The following AFF2 variants were observed in gnomAD, a reference collection of about 807,000 sequenced individuals.
AFF2 encodes ALF transcription elongation factor 2, also known as AF4/FMR2 family member 2.
A neutral mutation model predicts 76.9 loss-of-function variants in AFF2; 14 were observed. The observed-to-expected ratio is 0.18, with a 90% CI of 0.12 to 0.28. The LOEUF (loss-of-function observed/expected upper bound fraction) is 0.28. Among genes scored for constraint, AFF2 ranks in the 10% least tolerant of loss-of-function variants. The pLI, the probability that AFF2 is intolerant of heterozygous loss-of-function variation, is 1.00. For synonymous variants in AFF2, 398 were observed against 366.7 expected, an observed-to-expected ratio of 1.09 and a Z score of -0.98; for missense variants, 868 against 1,001.1, an observed-to-expected ratio of 0.87 and a Z score of 1.79.
chrX:148,566,717 A>G (rs1353648333), intron 1 of AFF2, among the ~76,000 whole-genome samples: 4 of 111,219 alleles, frequency 3.6e-5, no homozygotes, highest in African/African-American at 1.3e-4. Flanking sequence ...ATGTTGAGAA[A>G]ACTGTTCATC....
intron 13 of AFF2, among the ~76,000 whole-genome samples, chrX:148,964,706 G>T (rs1346054874): frequency 2.7e-5 from 3 of 111,611 alleles, no homozygotes; most frequent in African/African-American, 9.8e-5. Context: ...AAAGAGTTCT[G>T]GGGATTCACA....
chrX:148,784,229 G>T (rs2069783690), intron 3 of AFF2, among the ~76,000 whole-genome samples: 2 of 112,181 alleles, frequency 1.8e-5, no homozygotes, highest in Admixed American at 1.9e-4. Flanking sequence ...AAGCAGACAG[G>T]CTGTGAGTAC....
At chrX:148,917,849 T>C (rs1201017103) in intron 9 of AFF2, among the ~76,000 whole-genome samples, 2 of 112,142 alleles carry the variant, frequency 1.8e-5, no homozygotes, top group Admixed American at 1.9e-4. Flanking sequence ...GGGGTAAAAA[T>C]ATCCCTCTCT....
intron 2 of AFF2, among the ~76,000 whole-genome samples, chrX:148,660,306 T>C (rs1557257569): frequency 1.8e-5 from 2 of 111,539 alleles, no homozygotes; most frequent in Non-Finnish European, 3.8e-5. Context: ...TATCGTTTGC[T>C]GGTTCCTCAT....
At chrX:148,902,518 G>C (rs1035731127) in intron 8 of AFF2, among the ~76,000 whole-genome samples, 1 of 111,711 alleles carries the variant, frequency 9.0e-6, no homozygotes. Context: ...GTACAGACTG[G>C]GTCCTGCTGC....
At chrX:148,903,266 G>T (rs782406164) in intron 8 of AFF2, among the ~76,000 whole-genome samples, 189 of 111,582 alleles carry the variant, frequency 1.7e-3, no homozygotes, top group Non-Finnish European at 2.8e-3. Context: ...ACATAATTAT[G>T]CTACAGAAAT....
At chrX:148,792,138 A>C (rs2069903450) in intron 3 of AFF2, among the ~76,000 whole-genome samples, 1 of 111,707 alleles carries the variant, frequency 9.0e-6, no homozygotes, top group African/African-American at 3.3e-5. Context: ...AACCTTGGGA[A>C]AATTACTGAG....
intron 1 of AFF2, among the ~76,000 whole-genome samples, chrX:148,557,839 C>T (rs903819702): frequency 4.5e-5 from 5 of 111,953 alleles, no homozygotes; most frequent in Non-Finnish European, 9.4e-5. Flanking sequence ...AGTGTGTTTC[C>T]CGTGCTTTAA....
intron 3 of AFF2, among the ~76,000 whole-genome samples, chrX:148,697,782 G>A (rs1300833206): frequency 8.9e-6 from 1 of 111,881 alleles, no homozygotes; most frequent in Admixed American, 9.5e-5. Context: ...ACCTGGTGGG[G>A]TTGTTGTATA....
chrX:148,713,467 G>A (rs1486432392), intron 3 of AFF2, among the ~76,000 whole-genome samples: 1 of 111,810 alleles, frequency 8.9e-6, no homozygotes, highest in East Asian at 2.8e-4. Flanking sequence ...TGTTGGGGGA[G>A]GTTGGTCTTG....
intron 17 of AFF2, 67 bp downstream of exon 17, chrX:148,978,071 A>G: frequency 1.3e-6 from 1 of 789,061 alleles, no homozygotes; most frequent in Non-Finnish European, 1.9e-6. Context: ...ACTCTAGATC[A>G]ACTTAAGCTG....
At position 148,821,170 on chromosome X, in the gene AFF2, A is replaced by G. The variant is rs142539580; in HGVS notation, c.1086+11250A>G. On this transcript the variant is annotated intron_variant, in intron 4 of 20. Coordinates refer to ENST00000370460, the MANE Select transcript of AFF2 (RefSeq NM_002025.4). ...TTGCTGAATGTTTTTGGGTAAATTA[A>G]CCTTTTCGTACCTCATTTACAAAAG... 3.4e-3 allele frequency among the ~76,000 whole-genome samples: 377 copies of G among 111,560 alleles called. 3 individuals carry two copies. The highest frequency in any genetic ancestry group is 0.012 in the African/African-American group (354 of 30,730).
In AFF2 at chrX:148,993,444, G is replaced by A. The variant is rs2072556734; in HGVS notation, c.*2112G>A. 1 of 112,120 alleles carries A rather than the reference G, an allele frequency of 8.9e-6. No individual in the cohort carries two copies. Among genetic ancestry groups the A allele is most frequent in the African/African-American group, 3.2e-5 (1 of 30,843 alleles). The allele number at this position is 112,120 out of a possible 1,213,427, so 9.2% of individuals were successfully genotyped here. On this transcript the variant is annotated 3_prime_UTR_variant, in exon 21 of 21. Coordinates refer to ENST00000370460, the MANE Select transcript of AFF2 (RefSeq NM_002025.4). ...TCTTTATCATGGTTTACCAGGTAGA[G>A]TGCCTGGCTATTACTATATAATGAA... is the stretch of plus-strand genomic sequence containing the variant.
rs782323308 is a variant in AFF2 at position 148,885,914 on chromosome X, A to G, written c.1288A>G (p.Ser430Gly). ...KSMLEDDLKL[S>G]SDEDDLEPVK... ...GATGCTTGAGGATGACCTGAAGCTG[A>G]GCAGTGATGAAGATGACCTTGAGCC... Residue 430 changes from serine to glycine, a missense_variant, in exon 8 of 21, where the codon AGC becomes GGC. By Grantham distance (56) the Ser-to-Gly change is moderately conservative. Transcript: ENST00000370460. 6 of 1,208,378 alleles carry G rather than the reference A, an allele frequency of 5.0e-6. No homozygotes were observed. In the South Asian group the frequency reaches 8.8e-5, roughly 18 times the overall value.
At chrX:148,954,221 A>T (rs1406956711) in intron 10 of AFF2, among the ~76,000 whole-genome samples, 1 of 112,668 alleles carries the variant, frequency 8.9e-6, no homozygotes, top group African/African-American at 3.2e-5. Context: ...TTATTTTAAT[A>T]TGCATCCTTC....
rs782519050 is a variant in AFF2 at position 148,999,154 on chromosome X, G to A, written c.*7822G>A. On this transcript the variant is annotated 3_prime_UTR_variant, in exon 21 of 21. Coordinates refer to ENST00000370460, the MANE Select transcript of AFF2 (RefSeq NM_002025.4). ...AATGACTCCACCTATTTTTCCAGTA[G>A]GTAAATTGACTGAGACTTGCAAAAT... is the stretch of plus-strand genomic sequence containing the variant. The A allele has an allele frequency of 9.0e-6, 1 of 111,398 alleles. No individual in the cohort carries two copies. The highest frequency in any genetic ancestry group is 1.9e-5 in the Non-Finnish European group (1 of 53,058). The allele number at this position is 111,398 out of a possible 1,213,427, so 9.2% of individuals were successfully genotyped here. A position where few individuals can be genotyped will look rare whatever the true frequency, so the allele number is the denominator to read the frequency against.
intron 7 of AFF2, among the ~76,000 whole-genome samples, chrX:148,873,200 A>G (rs1176959995): frequency 9.0e-6 from 1 of 111,015 alleles, no homozygotes; most frequent in Non-Finnish European, 1.9e-5. Context: ...GGAGGAGAAG[A>G]GTCTTTGCCC....
chrX:148,947,742 G>C (rs960828235), intron 9 of AFF2, among the ~76,000 whole-genome samples: 7 of 112,253 alleles, frequency 6.2e-5, no homozygotes, highest in Admixed American at 1.9e-4. Flanking sequence ...AAGGAGGAAG[G>C]AAGATAAGAT....
intron 9 of AFF2, among the ~76,000 whole-genome samples, chrX:148,949,252 G>A (rs979213526): frequency 1.8e-5 from 2 of 111,695 alleles, no homozygotes; most frequent in African/African-American, 3.3e-5. Context: ...AAGAGTCTGG[G>A]TGGTGTAAGC....
Sources: allele counts gnomAD v4.1 joint callset (sites outside exome capture counted in the v4.1 genomes callset), GRCh38; gene constraint gnomAD v4.1.1; transcripts MANE v1.5; gene names NCBI Gene and HGNC (gene_info 2026-07-23, HGNC 2026-07-21).